Variants in PRKAR1A observed in about 807,000 individuals in gnomAD.
PRKAR1A encodes cAMP-dependent protein kinase type I-alpha regulatory subunit.
A neutral mutation model predicts 52.0 loss-of-function variants in PRKAR1A; 3 were observed. The observed-to-expected ratio is 0.06, with a 90% confidence interval of 0.03 to 0.15. The LOEUF (loss-of-function observed/expected upper bound fraction) is 0.15. Ranked by LOEUF, PRKAR1A falls within the 10% of genes least tolerant of loss-of-function variation. The pLI is 1.00. For synonymous variants in PRKAR1A, 188 were observed against 168.4 expected, an observed-to-expected ratio of 1.12 and a Z score of -0.90; for missense variants, 240 against 477.4, an observed-to-expected ratio of 0.50 and a Z score of 4.63.
the PRKAR1A span, chr17:68,457,328 G>A: frequency 1.9e-6 from 3 of 1,543,478 alleles, no homozygotes; most frequent in South Asian, 1.2e-5. Flanking sequence ...GGCAGGGGCC[G>A]AGTCGCAGCT....
At chr17:68,539,743 G>A in intron 11 of PRKAR1A, 1 of 772,984 alleles carries the variant, frequency 1.3e-6, no homozygotes, top group East Asian at 2.7e-5. Flanking sequence ...AGAAGGAAAT[G>A]GAAGAAGCCG....
the PRKAR1A span, chr17:68,434,511 G>A: frequency 6.2e-7 from 1 of 1,606,478 alleles, no homozygotes; most frequent in Non-Finnish European, 8.5e-7. Flanking sequence ...GTCCCTGCGG[G>A]ACTTCTGCGG....
chr17:68,531,017 T>C lies in PRKAR1A; in HGVS notation c.*568T>C. Reference sequence around the variant, plus strand: ...TTTGCTAATTATCAATGGGATATGATTGGTTCAGTTTTTTTTTTTCCAGAG... The same window carrying C: ...TTTGCTAATTATCAATGGGATATGACTGGTTCAGTTTTTTTTTTTCCAGAG... On this transcript the variant is annotated 3_prime_UTR_variant, in exon 11 of 11. Transcript: ENST00000589228. The C allele has an allele frequency of 9.4e-7, 1 of 1,064,688 alleles. No individual in the cohort carries two copies. The highest frequency in any genetic ancestry group is 1.1e-6 in the Non-Finnish European group (1 of 879,958). 66.0% of individuals were successfully genotyped at this position (1,064,688 alleles called of 1,614,324 possible).
chr17:68,473,704 C>T, the PRKAR1A span, among the ~76,000 whole-genome samples: 3 of 152,072 alleles, frequency 2.0e-5, no homozygotes, highest in Non-Finnish European at 4.4e-5. Flanking sequence ...TGTACTTTTA[C>T]TAGAGACGGG....
At chr17:68,419,796 G>GAAA in the PRKAR1A span, among the ~76,000 whole-genome samples, 58 of 137,302 alleles carry the variant, frequency 4.2e-4, 1 homozygote, top group East Asian at 7.0e-3. Context: ...CCTGTCTCTG[G>GAAA]AAAAAAAAAA....
the PRKAR1A span, among the ~76,000 whole-genome samples, chr17:68,443,162 G>A: frequency 6.6e-6 from 1 of 152,116 alleles, no homozygotes; most frequent in South Asian, 2.1e-4. Flanking sequence ...CCAGGCTGGA[G>A]TGCAGTGGTG....
the PRKAR1A span, among the ~76,000 whole-genome samples, chr17:68,476,749 G>A: frequency 1.3e-5 from 2 of 151,732 alleles, no homozygotes; most frequent in South Asian, 2.1e-4. Context: ...TGCAACCTCT[G>A]CCTCCTGGGT....
chr17:68,428,635 A>G, the PRKAR1A span: 2 of 548,200 alleles, frequency 3.6e-6, no homozygotes, highest in East Asian at 3.2e-5. Context: ...GCACTTTTCC[A>G]GATGATTACC....
chr17:68,454,332 G>A, the PRKAR1A span, among the ~76,000 whole-genome samples: 1 of 152,144 alleles, frequency 6.6e-6, no homozygotes, highest in Non-Finnish European at 1.5e-5. Context: ...ACTAAAATAA[G>A]CAACTTACTA....
At chr17:68,474,725 G>C in the PRKAR1A span, among the ~76,000 whole-genome samples, 2 of 152,054 alleles carry the variant, frequency 1.3e-5, no homozygotes, top group South Asian at 4.1e-4. Flanking sequence ...GAAACTCCGT[G>C]CCTACTAAAA....
chr17:68,466,161 A>G, the PRKAR1A span, among the ~76,000 whole-genome samples: 3 of 152,270 alleles, frequency 2.0e-5, no homozygotes, highest in South Asian at 4.1e-4. Context: ...CCTTTTATAG[A>G]ACATACAGCT....
the PRKAR1A span, among the ~76,000 whole-genome samples, chr17:68,506,300 G>A: frequency 2.0e-5 from 3 of 151,636 alleles, no homozygotes; most frequent in African/African-American, 7.3e-5. Context: ...TCCTCTACCT[G>A]AAATACCAGG....
At chr17:68,419,326 C>T in the PRKAR1A span, among the ~76,000 whole-genome samples, 20 of 152,016 alleles carry the variant, frequency 1.3e-4, no homozygotes, top group East Asian at 9.7e-4. Context: ...TTTGGGAGGC[C>T]GAAGTGGGCA....
intron 11 of PRKAR1A, chr17:68,550,942 G>C (rs1484903028): frequency 1.2e-5 from 7 of 591,464 alleles, no homozygotes; most frequent in African/African-American, 2.0e-5. Flanking sequence ...CCATCTACTG[G>C]GGCTCTCAAT....
At chr17:68,425,853 G>A in the PRKAR1A span, 1 of 475,830 alleles carries the variant, frequency 2.1e-6, no homozygotes, top group Non-Finnish European at 3.7e-6. Flanking sequence ...AGTATTCGGT[G>A]ACTCTAATGC....
the PRKAR1A span, among the ~76,000 whole-genome samples, chr17:68,472,788 A>G: frequency 6.6e-6 from 1 of 151,892 alleles, no homozygotes; most frequent in Non-Finnish European, 1.5e-5. Flanking sequence ...TGTACTAAAA[A>G]TACAAAAATT....
At chr17:68,510,892 T>C (rs887449730), upstream of PRKAR1A, among the ~76,000 whole-genome samples, 1 of 152,104 alleles carries the variant, frequency 6.6e-6, no homozygotes, top group Non-Finnish European at 1.5e-5. Context: ...GCCTGGTGGA[T>C]TTGGGGGAGC....
chr17:68,521,863 A>G (rs1033389763), intron 2 of PRKAR1A, among the ~76,000 whole-genome samples: 10 of 152,096 alleles, frequency 6.6e-5, no homozygotes, highest in Non-Finnish European at 7.4e-5. Flanking sequence ...ACACATTTTT[A>G]TTTTTTCCCT....
the PRKAR1A span, chr17:68,457,451 G>C: frequency 4.1e-6 from 6 of 1,471,976 alleles, no homozygotes; most frequent in Non-Finnish European, 5.4e-6. Flanking sequence ...GCCGCAGCTC[G>C]GAGCCGGCGA....
Sources: gnomAD v4.1 joint callset for allele counts (sites outside exome capture counted in the v4.1 genomes callset) on GRCh38, gnomAD v4.1.1 for gene constraint, MANE v1.5 for transcripts, NCBI Gene and HGNC (gene_info 2026-07-23, HGNC 2026-07-21) for gene names.